ATP2B1: variants seen among roughly 807,000 people sequenced by gnomAD.
The protein encoded by ATP2B1 is plasma membrane calcium-transporting ATPase 1.
ATP2B1 carries 14 observed loss-of-function variants against 124.2 expected under a neutral mutation model. The ratio of observed to expected loss-of-function variants is 0.11; its 90% CI spans 0.07 to 0.18. ATP2B1 has a LOEUF of 0.18. Ranked by LOEUF, ATP2B1 falls within the 10% of genes least tolerant of loss-of-function variation. The pLI, the probability that ATP2B1 is intolerant of heterozygous loss-of-function variation, is 1.00. For synonymous variants in ATP2B1, 449 were observed against 492.4 expected (o/e 0.91, Z 1.17); for missense variants, 763 against 1,466.1 (o/e 0.52, Z 7.83).
chr12:89,655,806 A>G lies in ATP2B1; in HGVS notation c.81T>C (p.Phe27=), dbSNP rs746845451. 4 of 1,614,086 alleles carry G rather than the reference A, an allele frequency of 2.5e-6. No individual in the cohort carries two copies. In the East Asian group the frequency reaches 8.9e-5, roughly 36 times the overall value. Residue 27 remains phenylalanine, a synonymous_variant, in exon 2 of 21, where the codon TTT becomes TTC. Coordinates refer to ENST00000428670, the MANE Select transcript of ATP2B1 (RefSeq NM_001366521.1). ...CCCGCAGCTCTGCGAGCGTAATTCC[A>G]AAGTCTCCATCATGATTAGCTTCCT... ...SLKEANHDGD[F]GITLAELRAL...
chr12:89,655,477 A>T (rs1565878581), intron 2 of ATP2B1: 1 of 578,414 alleles, frequency 1.7e-6, no homozygotes, highest in Non-Finnish European at 3.0e-6. Context: ...CCAATCTAAA[A>T]CATATAAATT....
chr12:89,692,463 T>C (rs1256891990), intron 1 of ATP2B1, among the ~76,000 whole-genome samples: 1 of 152,198 alleles, frequency 6.6e-6, no homozygotes, highest in Non-Finnish European at 1.5e-5. Flanking sequence ...TTCTCCCACA[T>C]ACTAAAGATG....
intron 1 of ATP2B1, among the ~76,000 whole-genome samples, chr12:89,670,163 G>A (rs1887764596): frequency 6.6e-6 from 1 of 152,076 alleles, no homozygotes; most frequent in African/African-American, 2.4e-5. Context: ...TCTACCCAAA[G>A]ATAGATATAA....
rs1887019091 is a variant in ATP2B1 at position 89,664,099 on chromosome 12, C to T, written c.-221-7992G>A. The stretch of plus-strand genomic sequence containing the variant: ...CAATTCAATTAAAATGATGAAACCA[C>T]AATGTAACAGTCTGGCTCAGTGAAA... On this transcript the variant is annotated intron_variant, in intron 1 of 20. Coordinates refer to ENST00000428670, the MANE Select transcript of ATP2B1 (RefSeq NM_001366521.1). Among the ~76,000 whole-genome samples the T allele has an allele frequency of 2.0e-5, 3 of 152,112 alleles. No individual in the cohort carries two copies. In the South Asian group the frequency reaches 6.2e-4, roughly 31 times the overall value.
At chr12:89,629,005 C>T (rs973863920) in intron 6 of ATP2B1, among the ~76,000 whole-genome samples, 3 of 151,422 alleles carry the variant, frequency 2.0e-5, no homozygotes, top group African/African-American at 7.3e-5. Flanking sequence ...AAAACAACAA[C>T]AACAAAAAAA....
At chr12:89,611,477 G>C in intron 12 of ATP2B1, 105 bp from the exon 13 acceptor site, 1 of 889,556 alleles carries the variant, frequency 1.1e-6, no homozygotes, top group Non-Finnish European at 1.6e-6. Context: ...CCCAAATGAT[G>C]ACAATGATAC....
intron 2 of ATP2B1, among the ~76,000 whole-genome samples, chr12:89,651,240 C>G (rs1885206742): frequency 6.6e-6 from 1 of 152,194 alleles, no homozygotes; most frequent in Non-Finnish European, 1.5e-5. Flanking sequence ...GCAAGACAAA[C>G]AGGAATCACA....
intron 2 of ATP2B1, among the ~76,000 whole-genome samples, chr12:89,651,293 A>C (rs576889889): frequency 6.6e-6 from 1 of 152,326 alleles, no homozygotes; most frequent in South Asian, 2.1e-4. Flanking sequence ...TGTTCTTGAG[A>C]CAGGGTCTCA....
intron 1 of ATP2B1, among the ~76,000 whole-genome samples, chr12:89,677,965 TATATATACACACACACACACACAC>T (rs757430576): frequency 0.055 from 6,199 of 112,064 alleles, 442 homozygotes; most frequent in Non-Finnish European, 0.074. Flanking sequence ...TATATATATA[TATATATACACACACACACACACAC>T]ACACACACAC....
At chr12:89,696,579 G>A (rs576832977) in intron 1 of ATP2B1, among the ~76,000 whole-genome samples, 1 of 152,164 alleles carries the variant, frequency 6.6e-6, no homozygotes, top group Non-Finnish European at 1.5e-5. Context: ...TTTTTCAAAA[G>A]ATAAAAACCA....
chr12:89,590,791 C>CA lies in ATP2B1; in HGVS notation c.*192dup. The CA allele has an allele frequency of 1.7e-6, 1 of 602,012 alleles. No homozygotes were observed. The highest frequency in any genetic ancestry group is 2.8e-6 in the Non-Finnish European group (1 of 360,438). The allele number at this position is 602,012 out of a possible 1,614,324, so 37.3% of individuals were successfully genotyped here. A position where few individuals can be genotyped will look rare whatever the true frequency, so the allele number is the denominator to read the frequency against. ...CTGTCAGTTCATTTCTCCCACCCCCCAAAAAGCACCCTCAGTCTGGCAGAA... is the reference window on the plus strand; with the variant it reads ...CTGTCAGTTCATTTCTCCCACCCCCCAAAAAAGCACCCTCAGTCTGGCAGAA... On this transcript the variant is annotated 3_prime_UTR_variant, in exon 21 of 21. Coordinates refer to ENST00000428670, the MANE Select transcript of ATP2B1 (RefSeq NM_001366521.1).
chr12:89,668,988 T>C (rs1467247321), intron 1 of ATP2B1, among the ~76,000 whole-genome samples: 1 of 152,222 alleles, frequency 6.6e-6, no homozygotes, highest in Non-Finnish European at 1.5e-5. Context: ...CTCCATGGCA[T>C]GGAATTAAAA....
chr12:89,693,258 C>T (rs956458204), intron 1 of ATP2B1, among the ~76,000 whole-genome samples: 1 of 152,056 alleles, frequency 6.6e-6, no homozygotes, highest in Non-Finnish European at 1.5e-5. Context: ...GTATGATTTA[C>T]AAAGGCATAA....
At chr12:89,679,545 G>T (rs1436667069) in intron 1 of ATP2B1, among the ~76,000 whole-genome samples, 1 of 152,114 alleles carries the variant, frequency 6.6e-6, no homozygotes, top group Admixed American at 6.6e-5. Flanking sequence ...AATATCATAA[G>T]AAGTACAAAT....
At chr12:89,593,650 G>C (rs1874023488) in intron 20 of ATP2B1, 1 of 151,978 alleles carries the variant, frequency 6.6e-6, no homozygotes, top group Non-Finnish European at 1.5e-5. Flanking sequence ...GCTCTAAGAG[G>C]GGCAGAGTGT....
chr12:89,621,911 T>G (rs1880027381), intron 9 of ATP2B1, 120 bp from the exon 10 acceptor site: 9 of 1,092,748 alleles, frequency 8.2e-6, no homozygotes, highest in Non-Finnish European at 2.4e-6. Context: ...ATAAATACAA[T>G]GTATAAAGTA....
chr12:89,596,939 T>C (rs1316616325), intron 20 of ATP2B1, among the ~76,000 whole-genome samples: 1 of 152,138 alleles, frequency 6.6e-6, no homozygotes, highest in Non-Finnish European at 1.5e-5. Flanking sequence ...CCTCATTTGG[T>C]GAATTCTATC....
intron 1 of ATP2B1, among the ~76,000 whole-genome samples, chr12:89,695,716 A>T (rs1217837617): frequency 1.3e-5 from 2 of 152,212 alleles, no homozygotes; most frequent in African/African-American, 2.4e-5. Context: ...GCATTTTTAA[A>T]TAGTAATACC....
At chr12:89,642,058 A>G in intron 3 of ATP2B1, 100 bp downstream of exon 3, 1 of 1,205,580 alleles carries the variant, frequency 8.3e-7, no homozygotes, top group Non-Finnish European at 1.2e-6. Context: ...AGCACATAGC[A>G]AACATCAATA....
Sources: gnomAD v4.1 joint callset for allele counts (sites outside exome capture counted in the v4.1 genomes callset) on GRCh38, gnomAD v4.1.1 for gene constraint, MANE v1.5 for transcripts, NCBI Gene and HGNC (gene_info 2026-07-23, HGNC 2026-07-21) for gene names.